ELP6: variants seen among roughly 807,000 people sequenced by gnomAD.
ELP6 encodes the protein elongator complex protein 6.
In ELP6, 23 loss-of-function variants were observed where a neutral mutation model predicts 28.1. The observed-to-expected ratio is 0.82, with a 90% CI of 0.59 to 1.16. ELP6 has a LOEUF of 1.16. Ranked by LOEUF, ELP6 falls within the 50% of genes most tolerant of loss-of-function variation. The probability of loss-of-function intolerance (pLI) is 0.00; values close to 1 mark genes in which losing one functional copy is unlikely to be tolerated. For synonymous variants in ELP6, 132 were observed against 135.8 expected, an observed-to-expected ratio of 0.97 and a Z score of 0.19; for missense variants, 313 against 334.6, an observed-to-expected ratio of 0.94 and a Z score of 0.50.
At chr3:47,500,521 C>T (rs1347934440) in intron 5 of ELP6, 1 of 152,194 alleles carries the variant, frequency 6.6e-6, no homozygotes, top group East Asian at 1.9e-4. Flanking sequence ...CCTTCTTTTT[C>T]TCTTTTTTTA....
chr3:47,496,075 A>G lies in ELP6; in HGVS notation c.795T>C (p.Val265=), dbSNP rs1351758602. The stretch of plus-strand genomic sequence containing the variant: ...CAGCTGCTCCGAAATCAGGTCACAG[A>G]ACAGCAGGAGACATTCCTTTGGCAA... ...SFFAKGMSPA[V]L is the part of the protein sequence containing the mutation. The change falls in exon 7 of 7, where the codon GTT becomes GTC. Residue 265 remains valine, a synonymous_variant. Coordinates refer to ENST00000296149, the MANE Select transcript of ELP6 (RefSeq NM_001031703.3). The G allele has an allele frequency of 1.2e-6, 2 of 1,614,192 alleles. No homozygotes were observed. Among genetic ancestry groups the G allele is most frequent in the South Asian group, 1.1e-5 (1 of 91,090 alleles).
intron 3 of ELP6, 27 bp from the exon 4 acceptor site, chr3:47,504,475 C>A: frequency 6.3e-7 from 1 of 1,579,212 alleles, no homozygotes; most frequent in Non-Finnish European, 8.6e-7. Context: ...GAGTGAGTTA[C>A]TATGCCTTGT....
intron 6 of ELP6, chr3:47,497,377 C>T (rs1029324180): frequency 2.8e-5 from 28 of 982,488 alleles, no homozygotes; most frequent in African/African-American, 3.5e-5. Flanking sequence ...CACTCTGTCG[C>T]CCAGGCTGGA....
In ELP6 at chr3:47,498,301, C is replaced by G; in HGVS notation, c.657G>C (p.Arg219Ser). 1.2e-6 allele frequency: 2 copies of G among 1,613,502 alleles called. No individual in the cohort carries two copies. The highest frequency in any genetic ancestry group is 1.7e-6 in the Non-Finnish European group (2 of 1,180,024). The change falls in exon 6 of 7, where the codon AGG becomes AGC. Residue 219 changes from arginine (R) to serine (S), a missense_variant. By Grantham distance (110) the Arg-to-Ser change is moderately radical. Transcript: ENST00000296149. Reference sequence around the variant, plus strand: ...CCCTGCATACCTGCCCGTGCACATCCCTGCAGAAGCCAGTGGCCAGGCCCT... The same window carrying G: ...CCCTGCATACCTGCCCGTGCACATCGCTGCAGAAGCCAGTGGCCAGGCCCT... ...RAEGLATGFC[R>S]DVHGQLRILW...
chr3:47,497,273 T>C (rs1708504158), intron 6 of ELP6: 1 of 985,192 alleles, frequency 1.0e-6, no homozygotes, highest in Admixed American at 6.2e-5. Context: ...CTCCAATTGT[T>C]CTGGTGAGTG....
chr3:47,498,527 A>G, intron 5 of ELP6, 95 bp from the exon 6 acceptor site: 1 of 1,548,608 alleles, frequency 6.5e-7, no homozygotes. Flanking sequence ...TCCCCTGTAC[A>G]TCCTCTCACA....
Position 47,501,681 on chromosome 3 carries a change from T to A in ELP6, c.494A>T (p.Tyr165Phe). The A allele has an allele frequency of 6.2e-7, 1 of 1,613,998 alleles. No homozygotes were observed. The highest frequency in any genetic ancestry group is 8.5e-7 in the Non-Finnish European group (1 of 1,179,978). Residue 165 changes from tyrosine (Y) to phenylalanine (F), a missense_variant, in exon 5 of 7, where the codon TAC (tyrosine) becomes TTC (phenylalanine). Tyr to Phe is a conservative substitution (Grantham distance 22). Coordinates refer to ENST00000296149, the MANE Select transcript of ELP6 (RefSeq NM_001031703.3). ...GAVAVLDFIHYCRATVCWELK... is the reference protein window; with the variant it reads ...GAVAVLDFIHFCRATVCWELK... ...TTCCCAGCACACGGTGGCTCTGCAGTAGTGAATGAAGTCTAGCACAGCCAC... is the reference window on the plus strand; with the variant it reads ...TTCCCAGCACACGGTGGCTCTGCAGAAGTGAATGAAGTCTAGCACAGCCAC...
At chr3:47,500,980 C>T (rs761647646) in intron 5 of ELP6, among the ~76,000 whole-genome samples, 1 of 151,968 alleles carries the variant, frequency 6.6e-6, no homozygotes, top group Non-Finnish European at 1.5e-5. Flanking sequence ...ATGTTACAAG[C>T]TTCATCTCAC....
At chr3:47,507,687 C>CCCCTACATCA (rs948131606) in intron 3 of ELP6, among the ~76,000 whole-genome samples, 3 of 151,952 alleles carry the variant, frequency 2.0e-5, no homozygotes, top group Admixed American at 1.3e-4. Flanking sequence ...ACTTTCCATG[C>CCCCTACATCA]CCCTACATCA....
chr3:47,513,405 C>A, intron 1 of ELP6, 132 bp downstream of exon 1: 1 of 1,465,052 alleles, frequency 6.8e-7, no homozygotes, highest in Non-Finnish European at 9.0e-7. Context: ...CGATCCTCTG[C>A]GGACTACAAC....
Position 47,498,354 on chromosome 3 carries a change from G to T in ELP6, c.604C>A (p.His202Asn), listed in dbSNP as rs974758420. The T allele has an allele frequency of 6.2e-7, 1 of 1,613,818 alleles. No homozygotes were observed. The highest frequency in any genetic ancestry group is 1.3e-5 in the African/African-American group (1 of 75,060). ...GCCCGCAGTATCAGATGGCTCTGAT[G>T]ACTGAGGCCATTCAGCAGGATGTCA... ...ENDILLNGLS[H>N]QSHLILRAEG... Residue 202 changes from histidine to asparagine, a missense_variant, in exon 6 of 7, where the codon CAT becomes AAT. Physicochemically the swap from His to Asn is moderately conservative, Grantham distance 68 (BLOSUM62 1). Transcript: ENST00000296149.
intron 1 of ELP6, chr3:47,512,469 T>C (rs1404397953): frequency 3.0e-6 from 1 of 329,356 alleles, no homozygotes; most frequent in Non-Finnish European, 4.3e-6. Context: ...GGAGAATCAC[T>C]TGAACCCGGG....
chr3:47,509,831 A>G (rs1984882), intron 3 of ELP6: 152,298 of 160,176 alleles, frequency 0.95, 72,899 homozygotes, highest in East Asian at 1. Context: ...GTGCGATCTC[A>G]GCTCACTGCA....
chr3:47,496,229 A>C (rs773805329), intron 6 of ELP6, 32 bp from the exon 7 acceptor site: 3 of 1,610,356 alleles, frequency 1.9e-6, no homozygotes, highest in Non-Finnish European at 2.5e-6. Flanking sequence ...AAAGAGGAGC[A>C]GCCACCCCAG....
intron 5 of ELP6, chr3:47,499,711 AAAAG>A: frequency 2.0e-6 from 2 of 982,270 alleles, no homozygotes; most frequent in Non-Finnish European, 1.2e-6. Context: ...AAAAAAAAAA[AAAAG>A]AATAGTAATA....
intron 6 of ELP6, chr3:47,496,763 G>A (rs1049439709): frequency 4.1e-6 from 4 of 983,332 alleles, no homozygotes; most frequent in Non-Finnish European, 4.8e-6. Context: ...CAAAGTGCTG[G>A]GATTACAGGC....
chr3:47,499,510 G>A (rs1708577298), intron 5 of ELP6, among the ~76,000 whole-genome samples: 1 of 100,470 alleles, frequency 1.0e-5, no homozygotes, highest in African/African-American at 3.7e-5. Context: ...AAGAGCAAGA[G>A]TCCATCTCAA....
chr3:47,509,262 C>G (rs1708941288), intron 3 of ELP6, among the ~76,000 whole-genome samples: 1 of 152,098 alleles, frequency 6.6e-6, no homozygotes. Flanking sequence ...ACGCCTGGCC[C>G]AAGACTGGCA....
intron 5 of ELP6, among the ~76,000 whole-genome samples, chr3:47,501,029 C>G (rs1708633590): frequency 6.6e-6 from 1 of 152,204 alleles, no homozygotes; most frequent in Non-Finnish European, 1.5e-5. Context: ...GTAGGCACCA[C>G]AGCCATTCCT....
Sources: allele counts gnomAD v4.1 joint callset (sites outside exome capture counted in the v4.1 genomes callset), GRCh38; gene constraint gnomAD v4.1.1; transcripts MANE v1.5; gene names NCBI Gene and HGNC (gene_info 2026-07-23, HGNC 2026-07-21).